SLC30A7: variants seen among roughly 807,000 people sequenced by gnomAD.
The protein encoded by SLC30A7 is zinc transporter 7.
SLC30A7 carries 35 observed loss-of-function variants against 46.0 expected under a neutral mutation model. That is an observed-to-expected ratio of 0.76 (90% CI 0.58 to 1.01). SLC30A7 has a LOEUF of 1.01. Among genes scored for constraint, SLC30A7 ranks in the 50% least tolerant of loss-of-function variants. The probability of loss-of-function intolerance (pLI) is 0.00; values close to 1 mark genes in which losing one functional copy is unlikely to be tolerated. For synonymous variants in SLC30A7, 147 were observed against 157.8 expected (o/e 0.93, Z 0.51); for missense variants, 464 against 451.1 (o/e 1.03, Z -0.26).
intron 2 of SLC30A7, among the ~76,000 whole-genome samples, chr1:100,899,938 C>T (rs964435561): frequency 6.6e-6 from 1 of 151,268 alleles, no homozygotes; most frequent in Non-Finnish European, 1.5e-5. Flanking sequence ...ATGTATTCTG[C>T]GGAAAGTCAA....
chr1:100,960,834 A>C (rs1203540863), intron 8 of SLC30A7, among the ~76,000 whole-genome samples: 1 of 152,152 alleles, frequency 6.6e-6, no homozygotes, highest in Admixed American at 6.5e-5. Context: ...TTCTGATTCA[A>C]TATATCAGAA....
Position 100,918,087 on chromosome 1 carries a change from C to A in SLC30A7, c.666C>A (p.Ser222=). The A allele has an allele frequency of 6.2e-7, 1 of 1,612,110 alleles. No homozygotes were observed. Among genetic ancestry groups the A allele is most frequent in the Non-Finnish European group, 8.5e-7 (1 of 1,178,736 alleles). ...HGHFHSHDGP[S]LKETTGPSRQ... ...CTTAATTCTCTACAGATGGCCCGTC[C>A]TTAAAAGAAACAACAGGACCCAGCA... Residue 222 remains serine (S), a synonymous_variant, in exon 7 of 11, where the codon TCC becomes TCA. Transcript: ENST00000357650.
chr1:100,955,798 A>C (rs1655189891), intron 8 of SLC30A7, among the ~76,000 whole-genome samples: 1 of 152,100 alleles, frequency 6.6e-6, no homozygotes, highest in Admixed American at 6.5e-5. Flanking sequence ...TTACATTTTT[A>C]TGACTCTTTA....
the SLC30A7 span, among the ~76,000 whole-genome samples, chr1:100,991,757 C>G: frequency 7.7e-6 from 1 of 130,364 alleles, no homozygotes; most frequent in Non-Finnish European, 1.6e-5. Context: ...CCACTGCACT[C>G]TAACTTGGGC....
chr1:100,960,575 C>G (rs774311353), intron 8 of SLC30A7, among the ~76,000 whole-genome samples: 1 of 152,190 alleles, frequency 6.6e-6, no homozygotes, highest in Non-Finnish European at 1.5e-5. Flanking sequence ...TGCTTCTACT[C>G]TTCTTATGAG....
At chr1:100,973,179 C>G (rs998694460) in intron 10 of SLC30A7, among the ~76,000 whole-genome samples, 9 of 152,034 alleles carry the variant, frequency 5.9e-5, no homozygotes, top group Non-Finnish European at 1.2e-4. Flanking sequence ...TCCTTTCAAG[C>G]ACTCAGTATT....
intron 10 of SLC30A7, among the ~76,000 whole-genome samples, chr1:100,971,958 T>C (rs1656186688): frequency 6.6e-6 from 1 of 152,160 alleles, no homozygotes; most frequent in Non-Finnish European, 1.5e-5. Context: ...TTAACATTTA[T>C]TTTCTTAGGA....
chr1:100,908,726 A>T (rs1553235707), intron 3 of SLC30A7, among the ~76,000 whole-genome samples: 2 of 152,122 alleles, frequency 1.3e-5, no homozygotes, highest in Non-Finnish European at 2.9e-5. Flanking sequence ...TATTAAAGAA[A>T]GATTATATCC....
chr1:100,907,266 AT>A (rs201001254), intron 3 of SLC30A7, among the ~76,000 whole-genome samples: 1 of 150,910 alleles, frequency 6.6e-6, no homozygotes, highest in Non-Finnish European at 1.5e-5. Context: ...TGAAAATAGG[AT>A]TTTTTTTTGC....
intron 2 of SLC30A7, among the ~76,000 whole-genome samples, chr1:100,901,219 A>G (rs1178466110): frequency 6.6e-6 from 1 of 152,104 alleles, no homozygotes; most frequent in Non-Finnish European, 1.5e-5. Context: ...TTCTTTTTAC[A>G]TTTGGTTTTA....
intron 8 of SLC30A7, among the ~76,000 whole-genome samples, chr1:100,951,690 G>C (rs1570574558): frequency 6.6e-6 from 1 of 152,114 alleles, no homozygotes; most frequent in Admixed American, 6.5e-5. Flanking sequence ...CCCACCTGGA[G>C]GACCTAACTC....
chr1:100,908,372 A>G (rs1290066915), intron 3 of SLC30A7, among the ~76,000 whole-genome samples: 1 of 152,200 alleles, frequency 6.6e-6, no homozygotes, highest in African/African-American at 2.4e-5. Flanking sequence ...TGATGTAAAA[A>G]CATGCCTCCT....
chr1:100,897,962 T>C (rs556697274), intron 2 of SLC30A7, among the ~76,000 whole-genome samples: 4 of 152,224 alleles, frequency 2.6e-5, no homozygotes, highest in Non-Finnish European at 5.9e-5. Flanking sequence ...GCACTTGTAC[T>C]TGAATAATCA....
chr1:100,967,262 T>C (rs948143639), intron 10 of SLC30A7, among the ~76,000 whole-genome samples: 5 of 152,204 alleles, frequency 3.3e-5, no homozygotes, highest in African/African-American at 1.2e-4. Flanking sequence ...AGACAGTTTT[T>C]CCGTGAACAG....
chr1:100,945,361 C>T (rs547757574), intron 8 of SLC30A7, among the ~76,000 whole-genome samples: 2 of 152,234 alleles, frequency 1.3e-5, no homozygotes, highest in East Asian at 1.9e-4. Context: ...AGTCCTTGCC[C>T]ATGCTTATGT....
chr1:100,912,150 G>A lies in SLC30A7; in HGVS notation c.423G>A (p.Leu141=), dbSNP rs539648466. ...LAPPDVHHER[L]LLVSILGFVV... The stretch of plus-strand genomic sequence containing the variant: ...CTCCAGATGTCCACCATGAGAGACT[G>A]CTTCTTGTTTCCATTCTTGGGTTTG... The change falls in exon 5 of 11, where the codon CTG becomes CTA. Residue 141 remains leucine, a synonymous_variant. Coordinates refer to ENST00000357650, the MANE Select transcript of SLC30A7 (RefSeq NM_133496.5). 8 of 1,613,760 alleles carry A rather than the reference G, an allele frequency of 5.0e-6. No homozygotes were observed. Among genetic ancestry groups the A allele is most frequent in the Middle Eastern group, 3.3e-4 (2 of 6,084 alleles).
At chr1:100,953,384 C>G (rs113005179) in intron 8 of SLC30A7, among the ~76,000 whole-genome samples, 6 of 152,282 alleles carry the variant, frequency 3.9e-5, no homozygotes, top group African/African-American at 1.2e-4. Flanking sequence ...TTGGATTTTT[C>G]TTGCTGACCT....
At chr1:100,899,819 A>ATT (rs34648957) in intron 2 of SLC30A7, among the ~76,000 whole-genome samples, 4,396 of 146,656 alleles carry the variant, frequency 0.03, 124 homozygotes, top group South Asian at 0.12. Flanking sequence ...AGGTGTGCAC[A>ATT]TTTTTTTTTT....
chr1:100,995,205 T>C, the SLC30A7 span: 2 of 1,278,116 alleles, frequency 1.6e-6, no homozygotes, highest in African/African-American at 1.5e-5. Context: ...TCCAAAACCC[T>C]ATGTGTAAAC....
Sources: gnomAD v4.1 joint callset for allele counts (sites outside exome capture counted in the v4.1 genomes callset) on GRCh38, gnomAD v4.1.1 for gene constraint, MANE v1.5 for transcripts, NCBI Gene and HGNC (gene_info 2026-07-23, HGNC 2026-07-21) for gene names.